Variants in SIGLEC5 observed in about 807,000 individuals in gnomAD.
SIGLEC5 encodes the protein sialic acid binding Ig like lectin 5, also known as sialic acid-binding Ig-like lectin 5.
Under a neutral mutation model 45.9 loss-of-function variants are expected in SIGLEC5, and 34 were observed. The ratio of observed to expected loss-of-function variants is 0.74; its 90% CI spans 0.56 to 0.99. SIGLEC5 has a LOEUF of 0.99. SIGLEC5 is among the 50% of genes least tolerant of loss of function. The pLI, the probability that SIGLEC5 is intolerant of heterozygous loss-of-function variation, is 0.00. For missense variants in SIGLEC5, 508 were observed against 629.6 expected, an observed-to-expected ratio of 0.81 and a Z score of 2.07; for synonymous variants, 203 against 258.6, an observed-to-expected ratio of 0.79 and a Z score of 2.06.
chr19:51,625,942 G>T, intron 8 of SIGLEC5, 90 bp downstream of exon 8: 1 of 964,154 alleles, frequency 1.0e-6, no homozygotes, highest in Non-Finnish European at 1.7e-6. Context: ...CCCAGGTGAT[G>T]AGGGAGGAGT....
At chr19:51,624,897 G>A (rs1314135373) in intron 8 of SIGLEC5, among the ~76,000 whole-genome samples, 2 of 152,192 alleles carry the variant, frequency 1.3e-5, no homozygotes, top group African/African-American at 4.8e-5. Flanking sequence ...CTGGGAGGCA[G>A]AGGTTGCAGT....
At chr19:51,628,172 C>A in intron 4 of SIGLEC5, 81 bp from the exon 5 acceptor site, 1 of 1,416,924 alleles carries the variant, frequency 7.1e-7, no homozygotes, top group South Asian at 1.6e-5. Flanking sequence ...TCCCAGGATC[C>A]AGATGACATC....
At chr19:51,615,172 A>C (rs1321100390) in intron 8 of SIGLEC5, among the ~76,000 whole-genome samples, 1 of 152,234 alleles carries the variant, frequency 6.6e-6, no homozygotes, top group Non-Finnish European at 1.5e-5. Flanking sequence ...TTGTCAAAAG[A>C]GTGAATTCAT....
At chr19:51,615,043 A>G (rs78437803) in intron 8 of SIGLEC5, among the ~76,000 whole-genome samples, 2,238 of 152,338 alleles carry the variant, frequency 0.015, 21 homozygotes, top group Middle Eastern at 0.041. Context: ...TGAATGCAGG[A>G]CGTCAAACTC....
chr19:51,622,825 T>C (rs1434396859), intron 8 of SIGLEC5, among the ~76,000 whole-genome samples: 1 of 152,214 alleles, frequency 6.6e-6, no homozygotes, highest in Non-Finnish European at 1.5e-5. Flanking sequence ...CAGTTCAATT[T>C]TTTTTTATTC....
At chr19:51,620,074 T>A (rs1437194423) in intron 8 of SIGLEC5, among the ~76,000 whole-genome samples, 1 of 151,110 alleles carries the variant, frequency 6.6e-6, no homozygotes, top group Non-Finnish European at 1.5e-5. Context: ...TATATATATA[T>A]AACTTAGGTG....
In SIGLEC5 at chr19:51,627,211, G is replaced by A. The variant is rs760128805; in HGVS notation, c.1320C>T (p.Ala440=). ...SNLGTGVVPA[A]LGGAGVMALL... ...GGGCCATGACACCAGCACCACCAAG[G>A]GCTGCAGGAACCACTCCTGTCCCGA... The change falls in exon 7 of 9, where the codon GCC becomes GCT. Residue 440 remains alanine, a synonymous_variant. Transcript: ENST00000683636. The A allele has an allele frequency of 1.4e-5, 22 of 1,614,074 alleles. No individual in the cohort carries two copies. Among genetic ancestry groups the A allele is most frequent in the Non-Finnish European group, 1.9e-5 (22 of 1,179,982 alleles).
Position 51,629,044 on chromosome 19 carries a change from C to T in SIGLEC5, c.733G>A (p.Gly245Ser), listed in dbSNP as rs747328477. The T allele has an allele frequency of 2.5e-6, 4 of 1,613,766 alleles. No homozygotes were observed. The highest frequency in any genetic ancestry group is 1.3e-5 in the African/African-American group (1 of 74,930). Reference protein sequence around the residue: ...APQTITIFRNGIALEILQNTS... With the variant: ...APQTITIFRNSIALEILQNTS... The stretch of plus-strand genomic sequence containing the variant: ...GAGAGGAGGTCTTTCCTACCTATGC[C>T]GTTCCTGAAGATGGTGATGGTCTGT... Residue 245 changes from glycine (G) to serine (S), a missense_variant, in exon 4 of 9, where the codon GGC (glycine) becomes AGC (serine). Transcript: ENST00000683636.
rs1982874072 is a variant in SIGLEC5 at position 51,612,171 on chromosome 19, T to TCA, written c.*59_*60insTG. ...GTGCTTCAGCAAGTGGTCCCTGACT[T>TCA]GTCCTTTCCCCCAGACAGGCTGTGG... is the stretch of plus-strand genomic sequence containing the variant. On this transcript the variant is annotated 3_prime_UTR_variant, in exon 9 of 9. Coordinates refer to ENST00000683636, the MANE Select transcript of SIGLEC5 (RefSeq NM_003830.4). The TCA allele has an allele frequency of 7.1e-7, 1 of 1,411,310 alleles. No individual in the cohort carries two copies. The allele number at this position is 1,411,310 out of a possible 1,614,324, so 87.4% of individuals were successfully genotyped here.
At chr19:51,628,807 A>G (rs1486104039) in intron 4 of SIGLEC5, among the ~76,000 whole-genome samples, 4 of 136,692 alleles carry the variant, frequency 2.9e-5, no homozygotes, top group Non-Finnish European at 6.2e-5. Context: ...TGTGTGGTGT[A>G]TATGCATGTG....
At chr19:51,613,670 C>T (rs983163655) in intron 8 of SIGLEC5, among the ~76,000 whole-genome samples, 1 of 150,566 alleles carries the variant, frequency 6.6e-6, no homozygotes, top group African/African-American at 2.4e-5. Context: ...GAATCATCAC[C>T]AAAAAAAAAC....
chr19:51,626,210 G>A (rs1445276622), intron 7 of SIGLEC5, 97 bp from the exon 8 acceptor site: 2 of 925,140 alleles, frequency 2.2e-6, no homozygotes, highest in Non-Finnish European at 3.5e-6. Flanking sequence ...TGACAATGAA[G>A]CCATCCAGGC....
At chr19:51,623,640 G>C (rs1983373061) in intron 8 of SIGLEC5, among the ~76,000 whole-genome samples, 1 of 152,178 alleles carries the variant, frequency 6.6e-6, no homozygotes, top group Admixed American at 6.5e-5. Context: ...AGAGATTACA[G>C]AACAACAAGA....
At chr19:51,622,611 A>G (rs896058663) in intron 8 of SIGLEC5, among the ~76,000 whole-genome samples, 3 of 152,242 alleles carry the variant, frequency 2.0e-5, no homozygotes, top group Non-Finnish European at 4.4e-5. Context: ...GGAGTAGAAT[A>G]GAGACCACAG....
Position 51,630,224 on chromosome 19 carries a change from G to T in SIGLEC5, c.38-8C>A. On this transcript the variant is annotated splice_polypyrimidine_tract_variant and splice_region_variant and intron_variant, in intron 1 of 8. Coordinates refer to ENST00000683636, the MANE Select transcript of SIGLEC5 (RefSeq NM_003830.4). ...GCTTCTCCTGCAGGGACCCTGGGGG[G>T]ACACAGAAGCTCAGCTGCAGCTCCA... is the stretch of plus-strand genomic sequence containing the variant. 1.6e-6 allele frequency: 1 copy of T among 630,036 alleles called. No homozygotes were observed. The highest frequency in any genetic ancestry group is 2.4e-6 in the Non-Finnish European group (1 of 410,722). The allele number at this position is 630,036 out of a possible 1,614,324, so 39.0% of individuals were successfully genotyped here.
At chr19:51,629,314 C>G in intron 3 of SIGLEC5, 44 bp downstream of exon 3, 1 of 1,610,252 alleles carries the variant, frequency 6.2e-7, no homozygotes, top group East Asian at 2.2e-5. Flanking sequence ...ACCCCTCACT[C>G]CCACTGCCCT....
At chr19:51,619,930 G>T (rs1408390794) in intron 8 of SIGLEC5, among the ~76,000 whole-genome samples, 5 of 151,812 alleles carry the variant, frequency 3.3e-5, no homozygotes, top group South Asian at 4.1e-4. Flanking sequence ...CAATTAACAA[G>T]ATTTAGCTAG....
intron 8 of SIGLEC5, among the ~76,000 whole-genome samples, chr19:51,615,623 T>C (rs905337286): frequency 2.6e-5 from 4 of 152,190 alleles, no homozygotes; most frequent in African/African-American, 9.7e-5. Context: ...GGCTGGTGGA[T>C]CACAATGCAA....
At chr19:51,629,764 A>G in intron 2 of SIGLEC5, 69 bp downstream of exon 2, 1 of 1,223,388 alleles carries the variant, frequency 8.2e-7, no homozygotes, top group East Asian at 2.3e-5. Flanking sequence ...GCCCCTGCCC[A>G]ACTCCTGTCC....
Sources: gnomAD v4.1 joint callset for allele counts (sites outside exome capture counted in the v4.1 genomes callset) on GRCh38, gnomAD v4.1.1 for gene constraint, MANE v1.5 for transcripts, NCBI Gene and HGNC (gene_info 2026-07-23, HGNC 2026-07-21) for gene names.